ATP2A3: variants seen among roughly 807,000 people sequenced by gnomAD.
ATP2A3 encodes sarcoplasmic/endoplasmic reticulum calcium ATPase 3.
In ATP2A3, 61 loss-of-function variants were observed where a neutral mutation model predicts 106.8. That is an observed-to-expected ratio of 0.57 (90% CI 0.46 to 0.71). The LOEUF (loss-of-function observed/expected upper bound fraction) is 0.71. ATP2A3 is among the 30% of genes least tolerant of loss of function. The probability of loss-of-function intolerance (pLI) is 0.00; values close to 1 mark genes in which losing one functional copy is unlikely to be tolerated. For missense variants in ATP2A3, 1,201 were observed against 1,423.5 expected (o/e 0.84, Z 2.52); for synonymous variants, 611 against 609.3 (o/e 1.00, Z -0.04).
chr17:3,950,093 CG>C (rs1233038137), intron 7 of ATP2A3, among the ~76,000 whole-genome samples: 36 of 148,988 alleles, frequency 2.4e-4, no homozygotes, highest in South Asian at 6.5e-4. Flanking sequence ...ACCTGGGGGG[CG>C]GGGGTTGCAG....
In ATP2A3 at chr17:3,926,541, C is replaced by G. The variant is rs1052769031; in HGVS notation, c.2981-1100G>C. ...CCCAGATCTGTTCAATGCCGCTCGC[C>G]CACCTCCTGGTGTTAGTCTCACCCT... On this transcript the variant is annotated intron_variant, in intron 20 of 20. Coordinates refer to ENST00000397041, the MANE Select transcript of ATP2A3 (RefSeq NM_005173.4). This position sits in a 1 kb window ranked among gnomAD's most constrained non-coding sequence, Gnocchi z 4.6. Among the ~76,000 whole-genome samples the G allele has an allele frequency of 2.6e-5, 4 of 152,124 alleles. No individual in the cohort carries two copies. The highest frequency in any genetic ancestry group is 6.5e-5 in the Admixed American group (1 of 15,274).
chr17:3,943,715 C>G (rs2053918757), intron 10 of ATP2A3, among the ~76,000 whole-genome samples, 193 bp from the exon 11 acceptor site: 1 of 152,170 alleles, frequency 6.6e-6, no homozygotes, highest in African/African-American at 2.4e-5. Context: ...ATTCAGCCCC[C>G]CACACTGGCA....
chr17:3,941,407 C>T, intron 13 of ATP2A3, 29 bp downstream of exon 13: 1 of 1,612,866 alleles, frequency 6.2e-7, no homozygotes, highest in East Asian at 2.2e-5. Context: ...CCACCTCGTA[C>T]TGCAGGGAGA....
Position 3,941,496 on chromosome 17 carries a change from G to A in ATP2A3, c.1704C>T (p.Asp568=), listed in dbSNP as rs567093050. Residue 568 remains aspartate, a synonymous_variant, in exon 13 of 21, where the codon GAC becomes GAT. Transcript: ENST00000397041. ...CCATGTCCTCCTTCCTTGGGGGCGC[G>A]TCCCGGGTGGCCAGTGCCAGGCAGC... ...TLRCLALATR[D]APPRKEDMEL... 6.0e-5 allele frequency: 97 copies of A among 1,613,660 alleles called. No individual in the cohort carries two copies. In the South Asian group the frequency reaches 7.6e-4, roughly 13 times the overall value.
rs1357864303 is a variant in ATP2A3 at position 3,944,820 on chromosome 17, G to GC, written c.1185-15dup. 3 of 1,601,422 alleles carry GC rather than the reference G, an allele frequency of 1.9e-6. No individual in the cohort carries two copies. The African/African-American group carries it at 4.0e-5, about 22-fold the overall frequency. ...TCCCCCTGCCGCCTGCGGAGCCGGG[G>GC]CGGTCACCAGGAGGACCTCGGCTCC... On this transcript the variant is annotated splice_polypyrimidine_tract_variant and intron_variant, in intron 9 of 20. Transcript: ENST00000397041.
Position 3,929,448 on chromosome 17 carries a change from G to A in ATP2A3, c.2745-3C>T. 6.3e-7 allele frequency: 1 copy of A among 1,589,214 alleles called. No homozygotes were observed. The highest frequency in any genetic ancestry group is 8.6e-7 in the Non-Finnish European group (1 of 1,168,996). Reference sequence around the variant, plus strand: ...GCAGCGACTGGTTCTCCGAGACGCTGCCAGGGCACAGGGTGCTCCCCTTAG... The same window carrying A: ...GCAGCGACTGGTTCTCCGAGACGCTACCAGGGCACAGGGTGCTCCCCTTAG... On this transcript the variant is annotated splice_polypyrimidine_tract_variant and splice_region_variant and intron_variant, in intron 18 of 20. Coordinates refer to ENST00000397041, the MANE Select transcript of ATP2A3 (RefSeq NM_005173.4). This position sits in a 1 kb window ranked among gnomAD's most constrained non-coding sequence, Gnocchi z 4.3.
intron 8 of ATP2A3, among the ~76,000 whole-genome samples, chr17:3,946,489 A>G (rs545070594): frequency 7.9e-5 from 12 of 152,192 alleles, no homozygotes; most frequent in African/African-American, 2.6e-4. Flanking sequence ...TGGGAGGCAG[A>G]GGTTGCAGTG....
rs2054692619 is a variant in ATP2A3 at position 3,955,047 on chromosome 17, T to C, written c.119-1337A>G. On this transcript the variant is annotated intron_variant, in intron 1 of 20. Transcript: ENST00000397041. The surrounding 1 kb of genome is among the most constrained non-coding windows in gnomAD (Gnocchi z 4.2). Reference sequence around the variant, plus strand: ...GGAGCCAGGCTCTGCAGGGTGGGCTTGGAGAAGCTCCCCCTTCCCAGGCCG... The same window carrying C: ...GGAGCCAGGCTCTGCAGGGTGGGCTCGGAGAAGCTCCCCCTTCCCAGGCCG... Among the ~76,000 whole-genome samples, 1 of 152,184 alleles carries C rather than the reference T, an allele frequency of 6.6e-6. No individual in the cohort carries two copies. The highest frequency in any genetic ancestry group is 2.1e-4 in the South Asian group (1 of 4,828).
rs552438400 is a variant in ATP2A3 at position 3,953,969 on chromosome 17, A to G, written c.119-259T>C. Among the ~76,000 whole-genome samples the G allele has an allele frequency of 6.6e-6, 1 of 152,130 alleles. No individual in the cohort carries two copies. The highest frequency in any genetic ancestry group is 1.9e-4 in the East Asian group (1 of 5,154). On this transcript the variant is annotated intron_variant, in intron 1 of 20. Transcript: ENST00000397041. The surrounding 1 kb of genome is among the most constrained non-coding windows in gnomAD (Gnocchi z 5.1). The stretch of plus-strand genomic sequence containing the variant: ...CTCATCGTGGGATGAGTACGGAGCC[A>G]AGAGGGTCCTTCCAGCCCCTCCAGT...
At chr17:3,963,274 G>T (rs1280817596) in intron 1 of ATP2A3, among the ~76,000 whole-genome samples, 2 of 152,216 alleles carry the variant, frequency 1.3e-5, no homozygotes, top group Non-Finnish European at 2.9e-5. Flanking sequence ...GATGGTGAGG[G>T]TATTTCTCCT....
At position 3,937,532 on chromosome 17, in the gene ATP2A3, C is replaced by A. The variant is rs1218622959; in HGVS notation, c.2205G>T (p.Leu735=). The change falls in exon 15 of 21, where the codon CTG becomes CTT. Residue 735 remains leucine, a synonymous_variant. Coordinates refer to ENST00000397041, the MANE Select transcript of ATP2A3 (RefSeq NM_005173.4). The part of the protein sequence containing the change: ...AVAKSAAEMV[L]SDDNFASIVA... ...CGATGGAGGCAAAGTTGTCATCTGA[C>A]AGCACCATCTCTGCCGCCGACTTGG... is the stretch of plus-strand genomic sequence containing the variant. 1 of 1,614,026 alleles carries A rather than the reference C, an allele frequency of 6.2e-7. No homozygotes were observed. Among genetic ancestry groups the A allele is most frequent in the Non-Finnish European group, 8.5e-7 (1 of 1,180,026 alleles).
Position 3,947,669 on chromosome 17 carries a change from C to A in ATP2A3, c.817G>T (p.Val273Phe). 1 of 1,612,256 alleles carries A rather than the reference C, an allele frequency of 6.2e-7. No homozygotes were observed. Among genetic ancestry groups the A allele is most frequent in the Non-Finnish European group, 8.5e-7 (1 of 1,179,884 alleles). Residue 273 changes from valine to phenylalanine, a missense_variant, in exon 8 of 21, where the codon GTC becomes TTC. Physicochemically the swap from Val to Phe is conservative, Grantham distance 50. Transcript: ENST00000397041. The surrounding 1 kb of genome is among the most constrained non-coding windows in gnomAD (Gnocchi z 7.7). ...TCGGCGAAGTGGCCGATGTTGATGA[C>A]CCACACGGCCACGCAGATCACAGAG... ...AISVICVAVW[V>F]INIGHFADPA...
intron 1 of ATP2A3, among the ~76,000 whole-genome samples, chr17:3,956,827 C>T (rs1346731947): frequency 6.6e-6 from 1 of 152,226 alleles, no homozygotes. Flanking sequence ...CTGGCTTCCT[C>T]CGCAAAGCTC....
Position 3,964,110 on chromosome 17 carries a change from G to A in ATP2A3, c.118+64C>T, listed in dbSNP as rs544396978. ...CCAGAGCCGGGTGGGGAGGCAGGAG[G>A]GGAAACTGAGACTGCGGCGCGCGCG... On this transcript the variant is annotated intron_variant, in intron 1 of 20. Transcript: ENST00000397041. 20 of 911,998 alleles carry A rather than the reference G, an allele frequency of 2.2e-5. No homozygotes were observed. In the South Asian group the frequency reaches 8.3e-4, roughly 38 times the overall value. 56.5% of individuals were successfully genotyped at this position (911,998 alleles called of 1,614,324 possible). A position where few individuals can be genotyped will look rare whatever the true frequency, so the allele number is the denominator to read the frequency against.
chr17:3,927,865 G>A lies in ATP2A3; in HGVS notation c.2980+798C>T, dbSNP rs367891904. On this transcript the variant is annotated intron_variant, in intron 20 of 20. Coordinates refer to ENST00000397041, the MANE Select transcript of ATP2A3 (RefSeq NM_005173.4). ...ATTCCTGCCAGAGGTGGCCCCCAAC[G>A]ACCCAGCTGCCCCAGTGCAGGCCTC... 144 of 1,561,314 alleles carry A rather than the reference G, an allele frequency of 9.2e-5. No individual in the cohort carries two copies. The East Asian group carries it at 2.2e-3, about 23-fold the overall frequency.
At position 3,928,628 on chromosome 17, in the gene ATP2A3, G is replaced by A. The variant is rs552294729; in HGVS notation, c.2980+35C>T. 2,703 of 1,518,368 alleles carry A rather than the reference G, an allele frequency of 1.8e-3. 4 individuals are homozygous for A. Among genetic ancestry groups the A allele is most frequent in the Non-Finnish European group, 2.1e-3 (2,349 of 1,118,090 alleles). 94.1% of individuals were successfully genotyped at this position (1,518,368 alleles called of 1,614,324 possible). ...GCCCAGGAGCAGAGGCGGGCGGGGA[G>A]GCAGGCTGGAGGCGGGACGGGGCCT... is the stretch of plus-strand genomic sequence containing the variant. On this transcript the variant is annotated intron_variant, in intron 20 of 20. Coordinates refer to ENST00000397041, the MANE Select transcript of ATP2A3 (RefSeq NM_005173.4). This position sits in a 1 kb window ranked among gnomAD's most constrained non-coding sequence, Gnocchi z 6.1.
chr17:3,953,311 C>G lies in ATP2A3; in HGVS notation c.219+36G>C. The G allele has an allele frequency of 1.2e-6, 2 of 1,607,236 alleles. No individual in the cohort carries two copies. The highest frequency in any genetic ancestry group is 1.7e-6 in the Non-Finnish European group (2 of 1,174,138). ...AGCCTGGCTCTCCCTCCAGGGCTACCGACTACCACAGGATGGCTGGCAGGG... is the reference window on the plus strand; with the variant it reads ...AGCCTGGCTCTCCCTCCAGGGCTACGGACTACCACAGGATGGCTGGCAGGG... On this transcript the variant is annotated intron_variant, in intron 3 of 20. Coordinates refer to ENST00000397041, the MANE Select transcript of ATP2A3 (RefSeq NM_005173.4). The surrounding 1 kb of genome is among the most constrained non-coding windows in gnomAD (Gnocchi z 5.1).
intron 7 of ATP2A3, among the ~76,000 whole-genome samples, chr17:3,948,518 G>T (rs1371148704): frequency 2.0e-5 from 3 of 152,188 alleles, no homozygotes; most frequent in Non-Finnish European, 4.4e-5. Flanking sequence ...CCCCCAACAT[G>T]CAGGGCCCAG....
chr17:3,925,007 GCAGAGGCAC>G lies in ATP2A3; in HGVS notation c.*406_*414del, dbSNP rs1347438470. On this transcript the variant is annotated 3_prime_UTR_variant, in exon 21 of 21. Coordinates refer to ENST00000397041, the MANE Select transcript of ATP2A3 (RefSeq NM_005173.4). The surrounding 1 kb of genome is among the most constrained non-coding windows in gnomAD (Gnocchi z 4.2). ...AGGACCCCCAGAGTCCTCCGTCAGTGCAGAGGCACCAGTCACCAAGTGAACGTCCAGCTT... is the reference window on the plus strand; with the variant it reads ...AGGACCCCCAGAGTCCTCCGTCAGTGCAGTCACCAAGTGAACGTCCAGCTT... 11 of 394,326 alleles carry G rather than the reference GCAGAGGCAC, an allele frequency of 2.8e-5. 1 individual carries two copies. The highest frequency in any genetic ancestry group is 1.9e-4 in the South Asian group (9 of 48,498). 24.4% of individuals were successfully genotyped at this position (394,326 alleles called of 1,614,324 possible).
Sources: allele counts gnomAD v4.1 joint callset (sites outside exome capture counted in the v4.1 genomes callset), GRCh38; gene constraint gnomAD v4.1.1; non-coding constraint Gnocchi (gnomAD v3.1); transcripts MANE v1.5; gene names NCBI Gene and HGNC (gene_info 2026-07-23, HGNC 2026-07-21).